Variants in GRIK2 observed in about 807,000 individuals in gnomAD.
GRIK2 encodes glutamate receptor ionotropic, kainate 2.
A neutral mutation model predicts 100.3 loss-of-function variants in GRIK2; 32 were observed. The ratio of observed to expected loss-of-function variants is 0.32; its 90% CI spans 0.24 to 0.43. GRIK2 has a LOEUF of 0.43. GRIK2 is among the 20% of genes least tolerant of loss of function. GRIK2 has a pLI of 1.00. For synonymous variants in GRIK2, 417 were observed against 389.4 expected, an observed-to-expected ratio of 1.07 and a Z score of -0.83; for missense variants, 843 against 1,114.9, an observed-to-expected ratio of 0.76 and a Z score of 3.47.
chr6:101,783,399 C>G (rs1779225573), intron 7 of GRIK2, among the ~76,000 whole-genome samples: 1 of 152,100 alleles, frequency 6.6e-6, no homozygotes, highest in Admixed American at 6.5e-5. Flanking sequence ...TTTCCTGAGG[C>G]CTCTCCAGTC....
At chr6:101,413,221 C>A (rs1775964086) in intron 2 of GRIK2, among the ~76,000 whole-genome samples, 1 of 151,860 alleles carries the variant, frequency 6.6e-6, no homozygotes, top group African/African-American at 2.4e-5. Flanking sequence ...CTATTTAAAC[C>A]CCTATTTAGT....
At chr6:101,904,397 T>C (rs1258176523) in intron 12 of GRIK2, among the ~76,000 whole-genome samples, 1 of 151,432 alleles carries the variant, frequency 6.6e-6, no homozygotes, top group Non-Finnish European at 1.5e-5. Context: ...AACAACATCA[T>C]TGCTTCAATT....
At chr6:101,515,038 C>G (rs961052864) in intron 2 of GRIK2, among the ~76,000 whole-genome samples, 1 of 152,012 alleles carries the variant, frequency 6.6e-6, no homozygotes, top group Non-Finnish European at 1.5e-5. Context: ...GTCTTTTATC[C>G]TTTGCCTCCC....
intron 2 of GRIK2, among the ~76,000 whole-genome samples, chr6:101,582,207 T>C (rs1456276399): frequency 2.0e-5 from 3 of 151,440 alleles, no homozygotes; most frequent in Non-Finnish European, 4.4e-5. Context: ...CTCCTAATGC[T>C]ATCCCTCTCC....
chr6:102,034,056 C>A (rs1770135183), intron 14 of GRIK2, among the ~76,000 whole-genome samples: 1 of 151,304 alleles, frequency 6.6e-6, no homozygotes. Context: ...CTTGGCCAGG[C>A]ATGGTGGCTC....
intron 7 of GRIK2, among the ~76,000 whole-genome samples, chr6:101,725,315 T>C (rs1000620883): frequency 6.6e-6 from 1 of 152,066 alleles, no homozygotes; most frequent in Non-Finnish European, 1.5e-5. Flanking sequence ...CTATGTGATC[T>C]TAGTTCTGTG....
At chr6:102,030,809 G>C (rs755183188) in intron 14 of GRIK2, among the ~76,000 whole-genome samples, 44 of 150,802 alleles carry the variant, frequency 2.9e-4, no homozygotes, top group Non-Finnish European at 6.1e-4. Context: ...TTGGTCAATT[G>C]TATCTAATAT....
chr6:101,735,578 T>C (rs1474898756), intron 7 of GRIK2, among the ~76,000 whole-genome samples: 3 of 151,724 alleles, frequency 2.0e-5, no homozygotes, highest in Non-Finnish European at 4.4e-5. Flanking sequence ...GAAACTTCCA[T>C]TTTTAAAAAC....
At chr6:101,927,399 C>A in intron 13 of GRIK2, 1 of 226,612 alleles carries the variant, frequency 4.4e-6, no homozygotes, top group Non-Finnish European at 7.4e-6. Flanking sequence ...TACTTTTAGT[C>A]TATGCTTTCT....
intron 2 of GRIK2, among the ~76,000 whole-genome samples, chr6:101,453,880 C>T (rs1770848652): frequency 6.6e-6 from 1 of 151,992 alleles, no homozygotes; most frequent in Non-Finnish European, 1.5e-5. Context: ...TGTAGAATTG[C>T]TAAATTCTAT....
At chr6:101,736,298 T>C (rs1467757405) in intron 7 of GRIK2, among the ~76,000 whole-genome samples, 1 of 152,206 alleles carries the variant, frequency 6.6e-6, no homozygotes, top group Non-Finnish European at 1.5e-5. Context: ...ACAGCTCCAC[T>C]AGGCAGTGCC....
At chr6:102,015,140 A>G (rs552169503) in intron 14 of GRIK2, among the ~76,000 whole-genome samples, 1 of 152,160 alleles carries the variant, frequency 6.6e-6, no homozygotes, top group South Asian at 2.1e-4. Flanking sequence ...GGGTGCATGT[A>G]TATTTATTAT....
rs116944636 is a variant in GRIK2 at position 101,846,015 on chromosome 6, T to G, written c.1318-13272T>G. 2.9e-3 allele frequency among the ~76,000 whole-genome samples: 446 copies of G among 152,060 alleles called. 5 individuals carry two copies. Among genetic ancestry groups the G allele is most frequent in the East Asian group, 0.029 (149 of 5,170 alleles). On this transcript the variant is annotated intron_variant, in intron 10 of 16. Transcript: ENST00000369134. ...CATTTTTAAACAGCATTGTTTTTTTTTTGTTGTTGTTGTTGTAGGAGTTCT... is the reference window on the plus strand; with the variant it reads ...CATTTTTAAACAGCATTGTTTTTTTGTTGTTGTTGTTGTTGTAGGAGTTCT...
intron 4 of GRIK2, among the ~76,000 whole-genome samples, chr6:101,637,408 G>GA (rs1781075195): frequency 6.6e-6 from 1 of 151,848 alleles, no homozygotes; most frequent in Non-Finnish European, 1.5e-5. Context: ...CTCTTTATTG[G>GA]GTTGCCCACA....
intron 14 of GRIK2, among the ~76,000 whole-genome samples, chr6:102,021,779 G>T (rs1769434528): frequency 6.6e-6 from 1 of 151,172 alleles, no homozygotes; most frequent in African/African-American, 2.4e-5. Context: ...GTATTAAGAA[G>T]GTTGAATTAT....
Position 101,516,841 on chromosome 6 carries a change from A to AAT in GRIK2, c.116-105097_116-105096dup, listed in dbSNP as rs144368994. On this transcript the variant is annotated intron_variant, in intron 2 of 16. Transcript: ENST00000369134. ...TAACAAGTTGGCCTTGTCAACCCTT[A>AAT]ATATATATATATGTTCAGTGATAAC... Among the ~76,000 whole-genome samples the AAT allele has an allele frequency of 3.4e-4, 52 of 151,950 alleles. No individual in the cohort carries two copies. The East Asian group carries it at 5.4e-3, about 16-fold the overall frequency.
At chr6:101,672,798 G>A (rs960235879) in intron 4 of GRIK2, among the ~76,000 whole-genome samples, 2 of 152,190 alleles carry the variant, frequency 1.3e-5, no homozygotes, top group African/African-American at 4.8e-5. Flanking sequence ...TGGCTGTGTA[G>A]CATTCCATGG....
chr6:101,467,004 T>C (rs1000152687), intron 2 of GRIK2, among the ~76,000 whole-genome samples: 9 of 152,200 alleles, frequency 5.9e-5, no homozygotes, highest in African/African-American at 2.2e-4. Flanking sequence ...ATATACATGA[T>C]AGTAGCTGTC....
At position 101,449,806 on chromosome 6, in the gene GRIK2, A is replaced by C. The variant is rs188605527; in HGVS notation, c.115+50414A>C. Among the ~76,000 whole-genome samples the C allele has an allele frequency of 1.1e-3, 165 of 151,820 alleles. 1 individual carries two copies. The highest frequency in any genetic ancestry group is 3.7e-3 in the African/African-American group (155 of 41,518). On this transcript the variant is annotated intron_variant, in intron 2 of 16. Coordinates refer to ENST00000369134, the MANE Select transcript of GRIK2 (RefSeq NM_021956.5). Reference sequence around the variant, plus strand: ...TCAAATAATACTTTCCAGATATTTCAGATGCCTTTAATATTTTGACACACA... The same window carrying C: ...TCAAATAATACTTTCCAGATATTTCCGATGCCTTTAATATTTTGACACACA...
Sources: allele counts gnomAD v4.1 joint callset (sites outside exome capture counted in the v4.1 genomes callset), GRCh38; gene constraint gnomAD v4.1.1; transcripts MANE v1.5; gene names NCBI Gene and HGNC (gene_info 2026-07-23, HGNC 2026-07-21).